Variants in FRY observed in about 807,000 individuals in gnomAD.
FRY encodes protein furry homolog.
A neutral mutation model predicts 348.4 loss-of-function variants in FRY; 128 were observed. That is an observed-to-expected ratio of 0.37 (90% CI 0.32 to 0.43). The LOEUF is 0.43. Ranked by LOEUF, FRY falls within the 20% of genes least tolerant of loss-of-function variation. The pLI is 1.00. For synonymous variants in FRY, 1,370 were observed against 1,374.7 expected, an observed-to-expected ratio of 1.00 and a Z score of 0.08; for missense variants, 2,736 against 3,695.2, an observed-to-expected ratio of 0.74 and a Z score of 6.73.
intron 55 of FRY, among the ~76,000 whole-genome samples, chr13:32,270,221 T>TC (rs1484449487): frequency 6.6e-6 from 1 of 152,010 alleles, no homozygotes; most frequent in Non-Finnish European, 1.5e-5. Context: ...TTTTTTTTTT[T>TC]TTTGAGATGG....
At chr13:32,251,811 C>A in intron 49 of FRY, 67 bp from the exon 50 acceptor site, 2 of 972,718 alleles carry the variant, frequency 2.1e-6, no homozygotes, top group South Asian at 1.3e-5. Flanking sequence ...TGGCTAGTGG[C>A]TAGAAAATTA....
chr13:32,050,400 T>C (rs1242466242), intron 1 of FRY, among the ~76,000 whole-genome samples: 1 of 152,218 alleles, frequency 6.6e-6, no homozygotes, highest in Non-Finnish European at 1.5e-5. Flanking sequence ...ATGATCTCTG[T>C]CAGGTGCTTT....
chr13:32,078,921 C>G lies in FRY; in HGVS notation c.158C>G (p.Pro53Arg). Residue 53 changes from proline to arginine, a missense_variant, in exon 2 of 61, where the codon CCC becomes CGC. Coordinates refer to ENST00000542859, the MANE Select transcript of FRY (RefSeq NM_023037.3). ...HREKGPPTML[P>R]INVDPDSKPG... ...GAGAAAGGGCCGCCAACCATGCTAC[C>G]CATCAATGTGGACCCAGACAGTAAA... The G allele has an allele frequency of 2.5e-6, 4 of 1,613,848 alleles. No homozygotes were observed. Among genetic ancestry groups the G allele is most frequent in the Non-Finnish European group, 3.4e-6 (4 of 1,179,742 alleles).
chr13:32,242,019 G>A (rs1375374918), intron 46 of FRY, among the ~76,000 whole-genome samples: 1 of 152,152 alleles, frequency 6.6e-6, no homozygotes, highest in Non-Finnish European at 1.5e-5. Flanking sequence ...TCTATGTGTT[G>A]GGGTAGCGCA....
At chr13:32,190,557 T>C (rs894281854) in intron 28 of FRY, among the ~76,000 whole-genome samples, 1 of 152,136 alleles carries the variant, frequency 6.6e-6, no homozygotes, top group African/African-American at 2.4e-5. Flanking sequence ...ATGCCACTTA[T>C]AATGGCATTT....
intron 1 of FRY, among the ~76,000 whole-genome samples, chr13:32,060,200 C>T (rs1364341965): frequency 2.0e-5 from 3 of 152,126 alleles, no homozygotes; most frequent in Admixed American, 2.0e-4. Flanking sequence ...GAAATAATGC[C>T]CATAGAAAGA....
intron 56 of FRY, among the ~76,000 whole-genome samples, chr13:32,275,874 A>T (rs1050069242): frequency 1.3e-5 from 2 of 151,510 alleles, no homozygotes; most frequent in African/African-American, 4.9e-5. Flanking sequence ...GAGTTGTGTG[A>T]TACCTTTTTT....
chr13:32,116,269 C>T (rs1324495514), intron 3 of FRY, among the ~76,000 whole-genome samples: 1 of 152,070 alleles, frequency 6.6e-6, no homozygotes, highest in Non-Finnish European at 1.5e-5. Context: ...TCCACTTTAT[C>T]ACTGCTCATC....
At chr13:32,138,631 C>T (rs1015209138) in intron 11 of FRY, among the ~76,000 whole-genome samples, 7 of 152,096 alleles carry the variant, frequency 4.6e-5, no homozygotes, top group Admixed American at 1.3e-4. Flanking sequence ...ACTAAGATTT[C>T]TAAGAGGCAG....
intron 28 of FRY, among the ~76,000 whole-genome samples, chr13:32,192,425 G>A (rs937169645): frequency 1.6e-4 from 25 of 152,126 alleles, no homozygotes; most frequent in African/African-American, 5.5e-4. Flanking sequence ...CCATTCTCCC[G>A]CCTCAGCCTC....
At position 32,207,085 on chromosome 13, in the gene FRY, C is replaced by A. The variant is rs559502516; in HGVS notation, c.4019-1768C>A. 2.0e-5 allele frequency among the ~76,000 whole-genome samples: 3 copies of A among 152,284 alleles called. No homozygotes were observed. In the East Asian group the frequency reaches 5.8e-4, roughly 29 times the overall value. ...GGGATACCTCAGGCATACATCCCTA[C>A]CCTCTTGGTGCTATTATCTGTCAGA... On this transcript the variant is annotated intron_variant, in intron 31 of 60. Coordinates refer to ENST00000542859, the MANE Select transcript of FRY (RefSeq NM_023037.3).
chr13:32,064,435 T>C lies in FRY; in HGVS notation c.71-14399T>C, dbSNP rs555760200. 2.3e-3 allele frequency among the ~76,000 whole-genome samples: 342 copies of C among 149,010 alleles called. 3 individuals carry two copies. Among genetic ancestry groups the C allele is most frequent in the Middle Eastern group, 0.017 (5 of 294 alleles). On this transcript the variant is annotated intron_variant, in intron 1 of 60. Transcript: ENST00000542859. The stretch of plus-strand genomic sequence containing the variant: ...CCCTGCATCTCTCCTGCAGCAGCCA[T>C]TGTAGCACTTCTCACTTTGCAATTA...
chr13:32,265,684 A>G (rs1219926027), intron 54 of FRY, 68 bp downstream of exon 54: 14 of 1,453,012 alleles, frequency 9.6e-6, no homozygotes, highest in African/African-American at 1.4e-5. Flanking sequence ...ATTCACACTC[A>G]AGTTAAGTGT....
intron 32 of FRY, among the ~76,000 whole-genome samples, chr13:32,209,319 G>A (rs547643017): frequency 3.3e-5 from 5 of 151,986 alleles, no homozygotes; most frequent in Admixed American, 6.6e-5. Flanking sequence ...TATGTTATGC[G>A]TATTTTACAG....
chr13:32,280,422 C>T (rs546421592), intron 58 of FRY, among the ~76,000 whole-genome samples: 40 of 152,310 alleles, frequency 2.6e-4, no homozygotes, highest in African/African-American at 9.4e-4. Context: ...GTGCCGTTAG[C>T]ATATCCCAGA....
intron 40 of FRY, among the ~76,000 whole-genome samples, chr13:32,229,434 T>TA (rs1382220568): frequency 2.6e-5 from 4 of 152,120 alleles, no homozygotes; most frequent in East Asian, 1.9e-4. Flanking sequence ...ATGCAAACAA[T>TA]AAAAAAAGAG....
At chr13:32,112,954 A>G (rs1878062746) in intron 3 of FRY, among the ~76,000 whole-genome samples, 1 of 152,238 alleles carries the variant, frequency 6.6e-6, no homozygotes, top group Non-Finnish European at 1.5e-5. Flanking sequence ...TCTCTAGTGG[A>G]ACACTGTTCT....
intron 8 of FRY, 54 bp downstream of exon 8, chr13:32,131,894 C>T (rs1879390270): frequency 1.5e-6 from 2 of 1,344,020 alleles, no homozygotes; most frequent in African/African-American, 2.9e-5. Context: ...ACTTCCCTTC[C>T]TCAAAATGAT....
intron 29 of FRY, among the ~76,000 whole-genome samples, chr13:32,194,810 G>T (rs377468080): frequency 1.3e-5 from 2 of 152,158 alleles, no homozygotes; most frequent in African/African-American, 4.8e-5. Flanking sequence ...TAGTTATTCA[G>T]TGTAGCCATT....
Sources: gnomAD v4.1 joint callset for allele counts (sites outside exome capture counted in the v4.1 genomes callset) on GRCh38, gnomAD v4.1.1 for gene constraint, MANE v1.5 for transcripts, NCBI Gene and HGNC (gene_info 2026-07-23, HGNC 2026-07-21) for gene names.